Variants in SHANK2 observed in about 807,000 individuals in gnomAD.
SHANK2 encodes the protein SH3 and multiple ankyrin repeat domains 2, also known as SH3 and multiple ankyrin repeat domains protein 2.
In SHANK2, 43 loss-of-function variants were observed where a neutral mutation model predicts 133.7. The ratio of observed to expected loss-of-function variants is 0.32; its 90% CI spans 0.25 to 0.41. The LOEUF is 0.41. Among genes scored for constraint, SHANK2 ranks in the 10% least tolerant of loss-of-function variants. The pLI, the probability that SHANK2 is intolerant of heterozygous loss-of-function variation, is 1.00. For missense variants in SHANK2, 1,994 were observed against 2,235.8 expected (o/e 0.89, Z 2.18); for synonymous variants, 1,017 against 952.8 (o/e 1.07, Z -1.24).
At chr11:70,737,048 G>T (rs1815855) in intron 14 of SHANK2, among the ~76,000 whole-genome samples, 1 of 151,976 alleles carries the variant, frequency 6.6e-6, no homozygotes, top group Non-Finnish European at 1.5e-5. Context: ...TCCTTCACCC[G>T]CGGCCAAAGT....
intron 14 of SHANK2, among the ~76,000 whole-genome samples, chr11:70,784,002 G>C (rs1947577697): frequency 6.6e-6 from 1 of 152,180 alleles, no homozygotes; most frequent in Non-Finnish European, 1.5e-5. Context: ...ACACAGGGCA[G>C]GGGCCACTGG....
chr11:70,891,099 C>T (rs1298284361), intron 11 of SHANK2, among the ~76,000 whole-genome samples: 3 of 152,194 alleles, frequency 2.0e-5, no homozygotes, highest in Non-Finnish European at 4.4e-5. Flanking sequence ...AGAAAGGATG[C>T]CTCTCCTCTA....
intron 11 of SHANK2, among the ~76,000 whole-genome samples, chr11:70,835,465 A>G (rs1170835319): frequency 2.0e-5 from 3 of 152,086 alleles, no homozygotes; most frequent in Non-Finnish European, 4.4e-5. Context: ...GATGTGCTCC[A>G]CCAGTTCTTG....
intron 8 of SHANK2, among the ~76,000 whole-genome samples, chr11:71,077,922 T>C (rs1951242619): frequency 6.6e-6 from 1 of 152,136 alleles, no homozygotes; most frequent in South Asian, 2.1e-4. Flanking sequence ...CGGTTCCTAA[T>C]ATAGAGACTA....
chr11:70,719,647 C>T (rs1421272947), intron 14 of SHANK2, among the ~76,000 whole-genome samples: 2 of 151,932 alleles, frequency 1.3e-5, no homozygotes, highest in Non-Finnish European at 1.5e-5. Flanking sequence ...CCTGGCACGC[C>T]AGGGGCCCAG....
intron 17 of SHANK2, among the ~76,000 whole-genome samples, chr11:70,643,997 C>T (rs557714652): frequency 6.7e-4 from 102 of 152,224 alleles, no homozygotes; most frequent in Non-Finnish European, 1.3e-3. Flanking sequence ...TCTCAGCTGA[C>T]CCAAGGGTTT....
At chr11:70,772,308 C>T (rs573342284) in intron 14 of SHANK2, among the ~76,000 whole-genome samples, 6 of 151,782 alleles carry the variant, frequency 4.0e-5, no homozygotes, top group South Asian at 2.1e-4. Context: ...GGGGTGGTGG[C>T]GCGCGCCTGT....
At chr11:70,656,465 A>G (rs1555011634) in intron 17 of SHANK2, among the ~76,000 whole-genome samples, 1 of 152,010 alleles carries the variant, frequency 6.6e-6, no homozygotes, top group Admixed American at 6.5e-5. Context: ...TCCCACGGGC[A>G]TTCTCCGCAG....
intron 10 of SHANK2, among the ~76,000 whole-genome samples, chr11:70,900,375 T>G (rs1950006553): frequency 6.6e-6 from 1 of 151,096 alleles, no homozygotes; most frequent in Non-Finnish European, 1.5e-5. Context: ...AAGTTTGCTA[T>G]GATTAGAAAA....
intron 11 of SHANK2, among the ~76,000 whole-genome samples, chr11:70,857,227 C>A (rs1312815382): frequency 2.0e-5 from 3 of 152,128 alleles, no homozygotes; most frequent in Admixed American, 2.0e-4. Flanking sequence ...GACAAGTAAG[C>A]GGGCCTCAGC....
chr11:70,660,940 T>C (rs1555013073), intron 16 of SHANK2, among the ~76,000 whole-genome samples: 3 of 152,196 alleles, frequency 2.0e-5, no homozygotes, highest in African/African-American at 7.2e-5. Context: ...GGTGATGCCA[T>C]TTTGTTTTCT....
intron 17 of SHANK2, among the ~76,000 whole-genome samples, chr11:70,574,574 T>TCCC (rs2060091542): frequency 1.3e-5 from 2 of 152,184 alleles, no homozygotes. Context: ...CTAGTGACTG[T>TCCC]CCCTTTGCCC....
chr11:70,583,411 G>A (rs1342076098), intron 17 of SHANK2, among the ~76,000 whole-genome samples: 6 of 152,120 alleles, frequency 3.9e-5, no homozygotes, highest in African/African-American at 1.4e-4. Flanking sequence ...CCTGATCTTC[G>A]GGGCTGTGGC....
chr11:70,955,158 C>CT (rs569436312), intron 10 of SHANK2, among the ~76,000 whole-genome samples: 582 of 152,326 alleles, frequency 3.8e-3, no homozygotes, highest in Non-Finnish European at 6.5e-3. Context: ...TTGCCACTGC[C>CT]TTTTTTTCCT....
intron 12 of SHANK2, among the ~76,000 whole-genome samples, chr11:70,809,579 T>A (rs1411121046): frequency 6.6e-6 from 1 of 152,188 alleles, no homozygotes; most frequent in Non-Finnish European, 1.5e-5. Flanking sequence ...TCTCTCAGCA[T>A]TAGGATGGTG....
chr11:70,727,425 T>C (rs1248389960), intron 14 of SHANK2, among the ~76,000 whole-genome samples: 1 of 152,184 alleles, frequency 6.6e-6, no homozygotes, highest in Non-Finnish European at 1.5e-5. Flanking sequence ...CTCCACTGAC[T>C]CTTGTGTAGT....
At chr11:70,785,888 G>A (rs1947643523) in intron 14 of SHANK2, among the ~76,000 whole-genome samples, 1 of 152,148 alleles carries the variant, frequency 6.6e-6, no homozygotes, top group Non-Finnish European at 1.5e-5. Flanking sequence ...TCCGCTTCAG[G>A]GACTCTTTGG....
intron 2 of SHANK2, among the ~76,000 whole-genome samples, chr11:71,165,455 C>T (rs781957757): frequency 1.2e-4 from 18 of 152,328 alleles, no homozygotes; most frequent in South Asian, 2.1e-4. Flanking sequence ...GGTGTGTGTG[C>T]GTGTCCTCAG....
chr11:70,904,973 G>A (rs1408641111), intron 10 of SHANK2, among the ~76,000 whole-genome samples: 1 of 152,134 alleles, frequency 6.6e-6, no homozygotes, highest in African/African-American at 2.4e-5. Flanking sequence ...CCAGTCTCAG[G>A]TATGTCTTTA....
Sources: allele counts gnomAD v4.1 joint callset (sites outside exome capture counted in the v4.1 genomes callset), GRCh38; gene constraint gnomAD v4.1.1; transcripts MANE v1.5; gene names NCBI Gene and HGNC (gene_info 2026-07-23, HGNC 2026-07-21).